The following TCFL5 variants were observed in gnomAD, a reference collection of about 807,000 sequenced individuals.
TCFL5 encodes the protein transcription factor like 5.
Under a neutral mutation model 44.3 loss-of-function variants are expected in TCFL5, and 9 were observed. That is an observed-to-expected ratio of 0.20 (90% CI 0.12 to 0.35). The LOEUF (loss-of-function observed/expected upper bound fraction) is 0.35. Among genes scored for constraint, TCFL5 ranks in the 10% least tolerant of loss-of-function variants. The pLI is 1.00. For missense variants in TCFL5, 603 were observed against 613.4 expected, an observed-to-expected ratio of 0.98 and a Z score of 0.18; for synonymous variants, 319 against 271.6, an observed-to-expected ratio of 1.17 and a Z score of -1.72.
At position 62,845,570 on chromosome 20, in the gene TCFL5, A is replaced by G. The variant is rs1199850738; in HGVS notation, c.1381-3473T>C. ...ATTCACCTTTCAGGACAATTAAATG[A>G]AAGTCAGAGCCTGGGCCGGCTCCGG... On this transcript the variant is annotated intron_variant, in intron 5 of 5. Coordinates refer to ENST00000335351, the MANE Select transcript of TCFL5 (RefSeq NM_006602.4). 9 of 1,500,088 alleles carry G rather than the reference A, an allele frequency of 6.0e-6. No individual in the cohort carries two copies. The Admixed American group carries it at 7.1e-5, about 12-fold the overall frequency. 92.9% of individuals were successfully genotyped at this position (1,500,088 alleles called of 1,614,324 possible). A position where few individuals can be genotyped will look rare whatever the true frequency, so the allele number is the denominator to read the frequency against.
rs1406359511 is a variant in TCFL5 at position 62,859,387 on chromosome 20, T to C, written c.971A>G (p.Glu324Gly). The change falls in exon 3 of 6, where the codon GAG (glutamate) becomes GGG (glycine). Residue 324 changes from glutamate to glycine, a missense_variant. Physicochemically the swap from Glu to Gly is moderately conservative, Grantham distance 98. This residue lies in a region of TCFL5 where 540 missense variants were observed against 478.7 expected (regional missense o/e 1.13). Coordinates refer to ENST00000335351, the MANE Select transcript of TCFL5 (RefSeq NM_006602.4). The stretch of plus-strand genomic sequence containing the variant: ...ACCTCCCACTTTAATCCAAACTTGC[T>C]CAGGCAAAACTTTGTTTCTACTACC... ...TLGSRNKVLPEQVWIKVGEAA... is the reference protein window; with the variant it reads ...TLGSRNKVLPGQVWIKVGEAA... 6.2e-7 allele frequency: 1 copy of C among 1,607,976 alleles called. No homozygotes were observed. The highest frequency in any genetic ancestry group is 1.3e-5 in the African/African-American group (1 of 74,704).
At chr20:62,858,404 C>T (rs556174249) in intron 3 of TCFL5, among the ~76,000 whole-genome samples, 1 of 152,326 alleles carries the variant, frequency 6.6e-6, no homozygotes, top group South Asian at 2.1e-4. Context: ...TATTCCTTAA[C>T]CTGAGTAGTC....
chr20:62,852,408 C>A (rs1600843009), intron 5 of TCFL5: 4 of 984,596 alleles, frequency 4.1e-6, no homozygotes, highest in Non-Finnish European at 3.6e-6. Context: ...TGGGGTCCCC[C>A]CAAGGCAGGG....
intron 4 of TCFL5, among the ~76,000 whole-genome samples, chr20:62,855,097 G>A (rs1432820293): frequency 6.6e-6 from 1 of 152,210 alleles, no homozygotes; most frequent in East Asian, 1.9e-4. Flanking sequence ...TCACAGTAGG[G>A]TGAGGAAGGC....
intron 3 of TCFL5, 115 bp from the exon 4 acceptor site, chr20:62,857,753 A>T: frequency 7.9e-7 from 1 of 1,267,378 alleles, no homozygotes; most frequent in Non-Finnish European, 1.1e-6. Context: ...TAAGCAGCAC[A>T]GAGAACCGAA....
intron 3 of TCFL5, among the ~76,000 whole-genome samples, chr20:62,858,491 G>C (rs2063930664): frequency 6.6e-6 from 1 of 152,166 alleles, no homozygotes; most frequent in South Asian, 2.1e-4. Flanking sequence ...ATTTTATAGG[G>C]AGGAAAAGGA....
chr20:62,858,217 C>T (rs1305379555), intron 3 of TCFL5, among the ~76,000 whole-genome samples: 1 of 152,250 alleles, frequency 6.6e-6, no homozygotes, highest in East Asian at 1.9e-4. Flanking sequence ...AGCTTTTCTG[C>T]TGCGTGACAG....
At chr20:62,857,072 C>T (rs766221251) in intron 4 of TCFL5, among the ~76,000 whole-genome samples, 58 of 152,192 alleles carry the variant, frequency 3.8e-4, no homozygotes, top group Non-Finnish European at 7.2e-4. Context: ...TGCCTGACTC[C>T]ACAGGGCGCG....
intron 5 of TCFL5, chr20:62,852,579 T>TC (rs879701562): frequency 4.3e-4 from 426 of 985,392 alleles, no homozygotes; most frequent in Middle Eastern, 2.6e-3. Flanking sequence ...AGGCTGGCTG[T>TC]CCTGAGGGAC....
intron 5 of TCFL5, chr20:62,845,594 G>A (rs752901530): frequency 5.8e-5 from 90 of 1,557,526 alleles, no homozygotes; most frequent in African/African-American, 1.1e-4. Flanking sequence ...GGCCGGCTCC[G>A]GAGAAGTTAG....
At chr20:62,859,254 T>TTC in intron 3 of TCFL5, 110 bp downstream of exon 3, 1 of 1,084,870 alleles carries the variant, frequency 9.2e-7, no homozygotes, top group South Asian at 1.6e-5. Context: ...CCAAGACTGT[T>TTC]TCACATGTGT....
intron 5 of TCFL5, chr20:62,851,713 G>A (rs910874109): frequency 1.0e-6 from 1 of 985,438 alleles, no homozygotes; most frequent in Non-Finnish European, 1.2e-6. Flanking sequence ...AAAAGGGACA[G>A]AGACAAGACA....
In TCFL5 at chr20:62,845,930, C is replaced by T. The variant is rs776722970; in HGVS notation, c.1381-3833G>A. On this transcript the variant is annotated intron_variant, in intron 5 of 5. Coordinates refer to ENST00000335351, the MANE Select transcript of TCFL5 (RefSeq NM_006602.4). ...AATGCTAAGGAAGCCTTCAGGAATC[C>T]GAACCCTGAACAGCTGGAAATGAGC... The T allele has an allele frequency of 1.8e-5, 27 of 1,490,544 alleles. 1 individual carries two copies. The highest frequency in any genetic ancestry group is 1.8e-4 in the South Asian group (15 of 83,864). The allele number at this position is 1,490,544 out of a possible 1,614,324, so 92.3% of individuals were successfully genotyped here. A position where few individuals can be genotyped will look rare whatever the true frequency, so the allele number is the denominator to read the frequency against.
In TCFL5 at chr20:62,859,503, T is replaced by A; in HGVS notation, c.855A>T (p.Val285=). The change falls in exon 3 of 6, where the codon GTA becomes GTT. Residue 285 remains valine, a synonymous_variant. Coordinates refer to ENST00000335351, the MANE Select transcript of TCFL5 (RefSeq NM_006602.4). The part of the protein sequence containing the change: ...QTQSSSNSCS[V]LEAAKHQDIG... Reference sequence around the variant, plus strand: ...TATCCTGGTGCTTGGCAGCTTCAAGTACAGAACATGAGTTACTAGAACTCT... The same window carrying A: ...TATCCTGGTGCTTGGCAGCTTCAAGAACAGAACATGAGTTACTAGAACTCT... 1.2e-6 allele frequency: 2 copies of A among 1,612,974 alleles called. No homozygotes were observed. The highest frequency in any genetic ancestry group is 1.7e-6 in the Non-Finnish European group (2 of 1,179,790).
rs140830081 is a variant in TCFL5 at position 62,854,805 on chromosome 20, A to T, written c.1239-648T>A. On this transcript the variant is annotated intron_variant, in intron 4 of 5. Transcript: ENST00000335351. ...AAGCAGATACTGAGCAACTTATTCAATATGGCCCTTGTTACTCACCTTCAC... is the reference window on the plus strand; with the variant it reads ...AAGCAGATACTGAGCAACTTATTCATTATGGCCCTTGTTACTCACCTTCAC... 3.9e-5 allele frequency among the ~76,000 whole-genome samples: 6 copies of T among 152,350 alleles called. No individual in the cohort carries two copies. In the East Asian group the frequency reaches 1.2e-3, roughly 29 times the overall value.
intron 5 of TCFL5, chr20:62,845,205 T>C (rs1343534169): frequency 2.1e-6 from 2 of 933,320 alleles, no homozygotes; most frequent in Admixed American, 1.1e-4. Flanking sequence ...CACTGCAACC[T>C]TTGCCTCCTG....
Position 62,851,087 on chromosome 20 carries a change from G to T in TCFL5, c.1380+2929C>A, listed in dbSNP as rs957507201. On this transcript the variant is annotated intron_variant, in intron 5 of 5. Coordinates refer to ENST00000335351, the MANE Select transcript of TCFL5 (RefSeq NM_006602.4). ...GAAATGTGTACCAAAATAATGTAGA[G>T]AAATCACTTAAAACTCTCATGTATT... Among the ~76,000 whole-genome samples, 4 of 152,196 alleles carry T rather than the reference G, an allele frequency of 2.6e-5. No homozygotes were observed. The East Asian group carries it at 5.8e-4, about 22-fold the overall frequency.
At position 62,851,272 on chromosome 20, in the gene TCFL5, C is replaced by T. The variant is rs574728657; in HGVS notation, c.1380+2744G>A. Reference sequence around the variant, plus strand: ...TTTCTTGGTGGGTCTAATAATGTGACCCAGAAGTAATCAGATTCAATGTAA... The same window carrying T: ...TTTCTTGGTGGGTCTAATAATGTGATCCAGAAGTAATCAGATTCAATGTAA... On this transcript the variant is annotated intron_variant, in intron 5 of 5. Transcript: ENST00000335351. Among the ~76,000 whole-genome samples the T allele has an allele frequency of 8.6e-5, 13 of 151,916 alleles. No individual in the cohort carries two copies. In the East Asian group the frequency reaches 2.5e-3, roughly 29 times the overall value.
chr20:62,848,845 G>A (rs1256654920), intron 5 of TCFL5, among the ~76,000 whole-genome samples: 1 of 151,952 alleles, frequency 6.6e-6, no homozygotes, highest in Non-Finnish European at 1.5e-5. Flanking sequence ...AAATCAGCCT[G>A]GCCAACATGG....
Sources: allele counts gnomAD v4.1 joint callset (sites outside exome capture counted in the v4.1 genomes callset), GRCh38; gene constraint gnomAD v4.1.1; regional missense constraint gnomAD v4.1.1; transcripts MANE v1.5; gene names NCBI Gene and HGNC (gene_info 2026-07-23, HGNC 2026-07-21).